CNTN5: variants seen among roughly 807,000 people sequenced by gnomAD.
CNTN5 encodes contactin-5.
Under a neutral mutation model 129.1 loss-of-function variants are expected in CNTN5, and 77 were observed. The observed-to-expected ratio is 0.60, with a 90% CI of 0.50 to 0.72. The LOEUF (loss-of-function observed/expected upper bound fraction) is 0.72, where lower values mean the gene tolerates loss of function less well. Among genes scored for constraint, CNTN5 ranks in the 30% least tolerant of loss-of-function variants. CNTN5 has a pLI of 0.00. For synonymous variants in CNTN5, 509 were observed against 465.6 expected, an observed-to-expected ratio of 1.09 and a Z score of -1.20; for missense variants, 1,478 against 1,328.8, an observed-to-expected ratio of 1.11 and a Z score of -1.75.
chr11:99,214,145 C>T (rs1859987815), intron 1 of CNTN5, among the ~76,000 whole-genome samples: 1 of 151,790 alleles, frequency 6.6e-6, no homozygotes, highest in South Asian at 2.1e-4. Flanking sequence ...GAAAGGCTTC[C>T]CAGGGGAAGT....
chr11:99,897,479 G>A (rs1334945212), intron 6 of CNTN5, among the ~76,000 whole-genome samples: 1 of 151,948 alleles, frequency 6.6e-6, no homozygotes, highest in African/African-American at 2.4e-5. Flanking sequence ...GCCAAAAGAG[G>A]TTGGTGTTGT....
intron 1 of CNTN5, among the ~76,000 whole-genome samples, chr11:99,241,583 G>A (rs932537210): frequency 1.3e-5 from 2 of 151,922 alleles, no homozygotes; most frequent in Admixed American, 1.3e-4. Context: ...TGTGTAGGTA[G>A]GTAGACAGAT....
At chr11:100,269,588 T>A (rs563111694) in intron 17 of CNTN5, among the ~76,000 whole-genome samples, 1 of 152,110 alleles carries the variant, frequency 6.6e-6, no homozygotes, top group African/African-American at 2.4e-5. Context: ...TTTCTTTAGT[T>A]TCTATTGGAG....
intron 2 of CNTN5, among the ~76,000 whole-genome samples, chr11:99,394,702 C>A (rs1941431256): frequency 6.6e-6 from 1 of 151,568 alleles, no homozygotes; most frequent in African/African-American, 2.4e-5. Flanking sequence ...TCTCACCCTT[C>A]ATCCTCTGAA....
chr11:99,727,630 T>C (rs910523554), intron 3 of CNTN5, among the ~76,000 whole-genome samples: 1 of 151,954 alleles, frequency 6.6e-6, no homozygotes, highest in African/African-American at 2.4e-5. Context: ...GGAAGGAAAT[T>C]ACACATTTTT....
At chr11:99,267,174 C>T (rs1862941757) in intron 1 of CNTN5, among the ~76,000 whole-genome samples, 1 of 152,010 alleles carries the variant, frequency 6.6e-6, no homozygotes, top group African/African-American at 2.4e-5. Flanking sequence ...ACTCTGAAGA[C>T]TTGACTGAGA....
At chr11:99,674,374 T>G (rs146152141) in intron 3 of CNTN5, among the ~76,000 whole-genome samples, 12 of 152,308 alleles carry the variant, frequency 7.9e-5, no homozygotes, top group Admixed American at 2.0e-4. Flanking sequence ...ATGAGAAGTT[T>G]GCAAAATTTT....
chr11:99,894,814 G>T (rs1054400615), intron 6 of CNTN5, among the ~76,000 whole-genome samples: 16 of 152,088 alleles, frequency 1.1e-4, no homozygotes, highest in Non-Finnish European at 1.8e-4. Context: ...TAAGTTACGT[G>T]GTTTTGGATT....
intron 21 of CNTN5, among the ~76,000 whole-genome samples, chr11:100,326,621 T>C (rs1951792650): frequency 6.6e-6 from 1 of 152,216 alleles, no homozygotes; most frequent in Non-Finnish European, 1.5e-5. Context: ...GCCCTTTATA[T>C]TTCAACTGTT....
chr11:99,770,146 G>A (rs1944895528), intron 3 of CNTN5, among the ~76,000 whole-genome samples: 2 of 151,980 alleles, frequency 1.3e-5, no homozygotes, highest in Non-Finnish European at 2.9e-5. Flanking sequence ...TATTTTCTGT[G>A]TGATAATGCT....
chr11:99,741,126 A>G (rs1036072366), intron 3 of CNTN5, among the ~76,000 whole-genome samples: 2 of 152,146 alleles, frequency 1.3e-5, no homozygotes, highest in East Asian at 3.9e-4. Flanking sequence ...CTAAGTCTGA[A>G]TCAGCAAGGC....
chr11:99,215,296 T>C (rs997332535), intron 1 of CNTN5, among the ~76,000 whole-genome samples: 4 of 152,146 alleles, frequency 2.6e-5, no homozygotes, highest in Admixed American at 6.6e-5. Flanking sequence ...AAAGTCACCA[T>C]AGAGCTTCAA....
At chr11:99,392,224 A>T (rs1941299310) in intron 2 of CNTN5, among the ~76,000 whole-genome samples, 1 of 151,550 alleles carries the variant, frequency 6.6e-6, no homozygotes, top group Non-Finnish European at 1.5e-5. Context: ...TAATAAAAAT[A>T]AAAATAAAAA....
At chr11:99,376,835 C>G (rs1272292646) in intron 2 of CNTN5, among the ~76,000 whole-genome samples, 3 of 152,164 alleles carry the variant, frequency 2.0e-5, no homozygotes, top group African/African-American at 4.8e-5. Context: ...AGGCTTCCAA[C>G]AGTTAAAAAT....
chr11:99,721,331 C>T (rs1197937890), intron 3 of CNTN5, among the ~76,000 whole-genome samples: 3 of 152,034 alleles, frequency 2.0e-5, no homozygotes, highest in Non-Finnish European at 4.4e-5. Context: ...TAAGGCCACA[C>T]ATATATGTCC....
intron 1 of CNTN5, among the ~76,000 whole-genome samples, chr11:99,308,441 T>G (rs1363593469): frequency 2.0e-5 from 3 of 152,106 alleles, no homozygotes; most frequent in African/African-American, 7.2e-5. Flanking sequence ...GTATGAGAAA[T>G]TGAGAGCCTG....
intron 18 of CNTN5, among the ~76,000 whole-genome samples, chr11:100,280,551 T>C (rs1052643163): frequency 1.3e-5 from 2 of 152,140 alleles, no homozygotes; most frequent in African/African-American, 4.8e-5. Flanking sequence ...TCTATCCCTG[T>C]GTTTTCAATC....
chr11:99,984,269 C>T (rs1411463694), intron 8 of CNTN5, among the ~76,000 whole-genome samples: 1 of 146,560 alleles, frequency 6.8e-6, no homozygotes, highest in African/African-American at 2.5e-5. Context: ...AGCTAGACTC[C>T]ATCACAAAAA....
chr11:99,616,092 T>A (rs948060233), intron 3 of CNTN5, among the ~76,000 whole-genome samples: 9 of 152,308 alleles, frequency 5.9e-5, no homozygotes, highest in Middle Eastern at 3.4e-3. Context: ...AAGCATTGTA[T>A]GTTTTTAGTT....
Sources: gnomAD v4.1 joint callset for allele counts (sites outside exome capture counted in the v4.1 genomes callset) on GRCh38, gnomAD v4.1.1 for gene constraint, MANE v1.5 for transcripts, NCBI Gene and HGNC (gene_info 2026-07-23, HGNC 2026-07-21) for gene names.